The following MECOM variants were observed in gnomAD, a reference collection of about 807,000 sequenced individuals.
MECOM encodes the protein MDS1 and EVI1 complex locus, also known as histone-lysine N-methyltransferase MECOM.
Under a neutral mutation model 116.3 loss-of-function variants are expected in MECOM, and 13 were observed. That is an observed-to-expected ratio of 0.11 (90% CI 0.07 to 0.18). The LOEUF (loss-of-function observed/expected upper bound fraction) is 0.18. Ranked by LOEUF, MECOM falls within the 10% of genes least tolerant of loss-of-function variation. The pLI is 1.00. For missense variants in MECOM, 1,299 were observed against 1,509.0 expected (o/e 0.86, Z 2.31); for synonymous variants, 528 against 535.2 (o/e 0.99, Z 0.19).
intron 2 of MECOM, among the ~76,000 whole-genome samples, chr3:169,206,209 C>A (rs1441928620): frequency 1.3e-5 from 2 of 152,178 alleles, no homozygotes; most frequent in Non-Finnish European, 2.9e-5. Context: ...ATTTTCCTCA[C>A]TGCACTATCA....
chr3:169,261,344 T>TGTTTATA (rs1757510724), intron 2 of MECOM, among the ~76,000 whole-genome samples: 1 of 152,180 alleles, frequency 6.6e-6, no homozygotes, highest in African/African-American at 2.4e-5. Flanking sequence ...TCATGTGAGA[T>TGTTTATA]GTTTATAGTT....
intron 12 of MECOM, among the ~76,000 whole-genome samples, chr3:169,097,935 C>T (rs1321486763): frequency 6.7e-6 from 1 of 149,240 alleles, no homozygotes; most frequent in Non-Finnish European, 1.5e-5. Context: ...ACTTTTACTA[C>T]ATAAAGTATT....
intron 1 of MECOM, among the ~76,000 whole-genome samples, chr3:169,430,939 C>T (rs1412852067): frequency 6.6e-6 from 1 of 152,148 alleles, no homozygotes; most frequent in Non-Finnish European, 1.5e-5. Context: ...CCAAGTCATT[C>T]TAAATAAATC....
At chr3:169,479,795 GC>G (rs1751024003) in intron 1 of MECOM, among the ~76,000 whole-genome samples, 1 of 152,002 alleles carries the variant, frequency 6.6e-6, no homozygotes. Context: ...GACCTGAAAA[GC>G]TCTTGACAAG....
intron 1 of MECOM, among the ~76,000 whole-genome samples, chr3:169,655,925 G>A (rs1775491662): frequency 6.6e-6 from 1 of 152,144 alleles, no homozygotes; most frequent in Non-Finnish European, 1.5e-5. Flanking sequence ...CCCAAGGAGG[G>A]TAGTATTATT....
At chr3:169,572,824 G>C (rs1028213892) in intron 1 of MECOM, among the ~76,000 whole-genome samples, 2 of 151,892 alleles carry the variant, frequency 1.3e-5, no homozygotes, top group African/African-American at 4.8e-5. Flanking sequence ...ACCGGGGCCT[G>C]TTGGGGGTTG....
chr3:169,326,935 A>T (rs1421803554), intron 2 of MECOM, among the ~76,000 whole-genome samples: 1 of 152,232 alleles, frequency 6.6e-6, no homozygotes, highest in Admixed American at 6.5e-5. Context: ...GCAAAATTAG[A>T]TGAGCTTCTG....
In MECOM at chr3:169,506,466, C is replaced by CTTTTTTTT. The variant is rs59006044; in HGVS notation, c.38-124950_38-124943dup. On this transcript the variant is annotated intron_variant, in intron 1 of 16. Transcript: ENST00000651503. ...AATTGGCCTGTCTGAGGTGAGTACT[C>CTTTTTTTT]TTTTTTTTTTAAAGAAAGCGCTTTA... Among the ~76,000 whole-genome samples, 540 of 147,746 alleles carry CTTTTTTTT rather than the reference C, an allele frequency of 3.7e-3. 4 individuals are homozygous for CTTTTTTTT. Among genetic ancestry groups the CTTTTTTTT allele is most frequent in the African/African-American group, 9.0e-3 (360 of 40,166 alleles).
At position 169,176,040 on chromosome 3, in the gene MECOM, G is replaced by A. The variant is rs935614813; in HGVS notation, c.376-32208C>T. On this transcript the variant is annotated intron_variant, in intron 2 of 16. Coordinates refer to ENST00000651503, the MANE Select transcript of MECOM (RefSeq NM_004991.4). ...AATGTCCAGTCTTTTGGCTTCCCTGGGCCACACTGGAAGAAGAATTATCTT... is the reference window on the plus strand; with the variant it reads ...AATGTCCAGTCTTTTGGCTTCCCTGAGCCACACTGGAAGAAGAATTATCTT... Among the ~76,000 whole-genome samples, 28 of 151,386 alleles carry A rather than the reference G, an allele frequency of 1.8e-4. 1 individual carries two copies. Among genetic ancestry groups the A allele is most frequent in the Non-Finnish European group, 5.9e-5 (4 of 67,912 alleles).
At chr3:169,245,354 A>G (rs1001544540) in intron 2 of MECOM, among the ~76,000 whole-genome samples, 15 of 152,220 alleles carry the variant, frequency 9.9e-5, no homozygotes, top group African/African-American at 2.7e-4. Context: ...AGCTTTAAAA[A>G]AGCCAAAGCT....
At chr3:169,097,320 C>T (rs1015364430) in intron 12 of MECOM, among the ~76,000 whole-genome samples, 1 of 152,082 alleles carries the variant, frequency 6.6e-6, no homozygotes, top group Non-Finnish European at 1.5e-5. Flanking sequence ...TTCTATCTCT[C>T]CTCTGCTAAA....
At chr3:169,158,802 C>T (rs1236522087) in intron 2 of MECOM, among the ~76,000 whole-genome samples, 2 of 152,140 alleles carry the variant, frequency 1.3e-5, no homozygotes, top group East Asian at 1.9e-4. Flanking sequence ...TATTCCATTG[C>T]AATGACAAGA....
intron 2 of MECOM, among the ~76,000 whole-genome samples, chr3:169,322,997 T>TAAAAAAAAAAAAAA (rs748984561): frequency 1.8e-5 from 1 of 56,048 alleles, no homozygotes; most frequent in East Asian, 4.9e-4. Context: ...AAGACTCCGG[T>TAAAAAAAAAAAAAA]AAAAAAAAAA....
intron 2 of MECOM, among the ~76,000 whole-genome samples, chr3:169,378,583 AAAGT>A (rs56896782): frequency 0.29 from 18,556 of 63,442 alleles, 4,865 homozygotes; most frequent in East Asian, 0.37. Flanking sequence ...AGAAAGAAAG[AAAGT>A]AAGTAAGTAA....
chr3:169,479,746 C>T (rs1314085217), intron 1 of MECOM, among the ~76,000 whole-genome samples: 5 of 151,646 alleles, frequency 3.3e-5, no homozygotes, highest in African/African-American at 1.2e-4. Context: ...AAAACTCATG[C>T]CTAATGTCTT....
At chr3:169,228,517 TA>T (rs1218685417) in intron 2 of MECOM, among the ~76,000 whole-genome samples, 4 of 152,266 alleles carry the variant, frequency 2.6e-5, no homozygotes, top group Middle Eastern at 3.4e-3. Context: ...GAGACTACAG[TA>T]GACTTTTTCA....
chr3:169,233,192 C>T (rs753005248), intron 2 of MECOM, among the ~76,000 whole-genome samples: 29 of 152,150 alleles, frequency 1.9e-4, no homozygotes, highest in Non-Finnish European at 3.7e-4. Context: ...GAAGGATTCT[C>T]TTTAGAATAC....
At chr3:169,187,390 A>G (rs552185245) in intron 2 of MECOM, among the ~76,000 whole-genome samples, 10 of 152,272 alleles carry the variant, frequency 6.6e-5, no homozygotes, top group Non-Finnish European at 1.5e-4. Flanking sequence ...AAGAAAATAT[A>G]CACAAATACA....
intron 1 of MECOM, among the ~76,000 whole-genome samples, chr3:169,478,835 T>G (rs1257251928): frequency 6.6e-6 from 1 of 152,224 alleles, no homozygotes; most frequent in African/African-American, 2.4e-5. Context: ...TTAACCATAC[T>G]GGGTCATTTT....
Sources: allele counts gnomAD v4.1 joint callset (sites outside exome capture counted in the v4.1 genomes callset), GRCh38; gene constraint gnomAD v4.1.1; transcripts MANE v1.5; gene names NCBI Gene and HGNC (gene_info 2026-07-23, HGNC 2026-07-21).